FMO5: variants seen among roughly 807,000 people sequenced by gnomAD.
The protein encoded by FMO5 is flavin-containing monooxygenase 5.
A neutral mutation model predicts 43.6 loss-of-function variants in FMO5; 51 were observed. That is an observed-to-expected ratio of 1.17 (90% confidence interval 0.93 to 1.48). The LOEUF (loss-of-function observed/expected upper bound fraction) is 1.48. Ranked by LOEUF, FMO5 falls within the 40% of genes most tolerant of loss-of-function variation. FMO5 has a pLI of 0.00. For missense variants in FMO5, 644 were observed against 643.0 expected, an observed-to-expected ratio of 1.00 and a Z score of -0.02; for synonymous variants, 187 against 216.5, an observed-to-expected ratio of 0.86 and a Z score of 1.20.
chr1:147,195,707 T>C (rs1657872449), intron 7 of FMO5, among the ~76,000 whole-genome samples: 4 of 152,286 alleles, frequency 2.6e-5, no homozygotes, highest in South Asian at 2.1e-4. Flanking sequence ...CTAGGGACTA[T>C]GCCATGTAGA....
chr1:147,214,501 C>T (rs1661643693), intron 3 of FMO5, among the ~76,000 whole-genome samples: 1 of 151,508 alleles, frequency 6.6e-6, no homozygotes, highest in African/African-American at 2.4e-5. Flanking sequence ...CCCCTGCATG[C>T]ACTAGCAATC....
At chr1:147,190,058 C>T (rs1656406382) in intron 8 of FMO5, 119 bp downstream of exon 8, 3 of 636,348 alleles carry the variant, frequency 4.7e-6, no homozygotes, top group Non-Finnish European at 2.6e-6. Flanking sequence ...TTCCTTTTTT[C>T]TTCATAATAG....
chr1:147,201,899 A>G (rs1659037211), intron 6 of FMO5, among the ~76,000 whole-genome samples: 1 of 152,204 alleles, frequency 6.6e-6, no homozygotes, highest in South Asian at 2.1e-4. Context: ...TCAAAGGCTC[A>G]AGAGCTAAGT....
intron 3 of FMO5, among the ~76,000 whole-genome samples, chr1:147,214,405 C>T (rs1553924525): frequency 6.6e-6 from 1 of 150,604 alleles, no homozygotes; most frequent in Non-Finnish European, 1.5e-5. Context: ...GAGCCGAGAT[C>T]GTGTCACTGT....
At chr1:147,226,397 G>A (rs1553927861), upstream of FMO5, among the ~76,000 whole-genome samples, 4 of 152,142 alleles carry the variant, frequency 2.6e-5, no homozygotes, top group Non-Finnish European at 5.9e-5. Flanking sequence ...CAGATTAGTG[G>A]AGGAGACCAA....
chr1:147,225,267 G>T lies in FMO5; in HGVS notation c.-38+20C>A. ...CAAGACCCAGAGCTGAGAGTGCTCT[G>T]CTGCGGTACCGGATCTCACCGCCTT... On this transcript the variant is annotated intron_variant, in intron 1 of 8. Transcript: ENST00000254090. 1 of 1,109,972 alleles carries T rather than the reference G, an allele frequency of 9.0e-7. No homozygotes were observed. The highest frequency in any genetic ancestry group is 1.2e-6 in the Non-Finnish European group (1 of 826,694). The allele number at this position is 1,109,972 out of a possible 1,614,324, so 68.8% of individuals were successfully genotyped here.
At chr1:147,205,297 T>C (rs587633982) in intron 6 of FMO5, among the ~76,000 whole-genome samples, 33 of 152,242 alleles carry the variant, frequency 2.2e-4, no homozygotes, top group African/African-American at 7.9e-4. Flanking sequence ...CGGGAAAAAA[T>C]ATCTTTATAG....
At chr1:147,207,586 G>C (rs1266856938) in intron 6 of FMO5, among the ~76,000 whole-genome samples, 3 of 152,032 alleles carry the variant, frequency 2.0e-5, no homozygotes, top group African/African-American at 7.3e-5. Flanking sequence ...TATTATTTCT[G>C]TTGCCCTCGG....
chr1:147,220,743 T>C (rs1471044934), intron 2 of FMO5, among the ~76,000 whole-genome samples: 1 of 152,188 alleles, frequency 6.6e-6, no homozygotes, highest in African/African-American at 2.4e-5. Context: ...GTCAATCTTC[T>C]GCATATGGCT....
At chr1:147,222,916 C>A (rs1459211535) in intron 2 of FMO5, among the ~76,000 whole-genome samples, 1 of 152,174 alleles carries the variant, frequency 6.6e-6, no homozygotes, top group African/African-American at 2.4e-5. Flanking sequence ...GGCTAAGATG[C>A]TTAGTAAAGA....
rs1454356796 is a variant in FMO5 at position 147,203,391 on chromosome 1, G to A, written c.831-1887C>T. On this transcript the variant is annotated intron_variant, in intron 6 of 8. Transcript: ENST00000254090. The stretch of plus-strand genomic sequence containing the variant: ...GTACAGTGACTGCAGCATTAGCAGC[G>A]AGTTTGATAGACCAGTGTTTTCCCA... The A allele has an allele frequency of 4.6e-5, 46 of 993,598 alleles. No individual in the cohort carries two copies. The Admixed American group carries it at 6.3e-4, about 14-fold the overall frequency. 61.5% of individuals were successfully genotyped at this position (993,598 alleles called of 1,614,324 possible). A position where few individuals can be genotyped will look rare whatever the true frequency, so the allele number is the denominator to read the frequency against.
intron 4 of FMO5, among the ~76,000 whole-genome samples, chr1:147,213,013 T>C (rs1219119473): frequency 1.3e-5 from 2 of 152,124 alleles, no homozygotes; most frequent in Non-Finnish European, 2.9e-5. Flanking sequence ...AAATTCCTTA[T>C]TCTACCTAAT....
intron 2 of FMO5, among the ~76,000 whole-genome samples, chr1:147,223,358 A>T (rs893141964): frequency 6.6e-6 from 1 of 152,214 alleles, no homozygotes; most frequent in Non-Finnish European, 1.5e-5. Context: ...AGTCCCCAAA[A>T]CAGAGTCAGG....
At chr1:147,210,654 G>A (rs990121634) in intron 5 of FMO5, 2 of 152,136 alleles carry the variant, frequency 1.3e-5, no homozygotes. Context: ...CTAATGAAAA[G>A]ATTTCCTATT....
intron 2 of FMO5, among the ~76,000 whole-genome samples, chr1:147,222,538 T>G (rs1209961766): frequency 6.6e-6 from 1 of 152,170 alleles, no homozygotes; most frequent in Non-Finnish European, 1.5e-5. Context: ...ATAGAAACTC[T>G]CTTTGAACTG....
At chr1:147,198,364 A>G (rs1161731302) in intron 7 of FMO5, among the ~76,000 whole-genome samples, 4 of 152,152 alleles carry the variant, frequency 2.6e-5, no homozygotes, top group Non-Finnish European at 4.4e-5. Context: ...CTATCACTAT[A>G]TTACAAAGGG....
rs587632947 is a variant in FMO5 at position 147,201,495 on chromosome 1, A to C, written c.840T>G (p.Ser280Arg). ...GGTCATCATTTAAGGTTGGATGCTG[A>C]CTCAGAGCTCTGTGAGTCGTGACAA... Reference protein sequence around the residue: ...FGLKPKHRALSQHPTLNDDLP... With the variant: ...FGLKPKHRALRQHPTLNDDLP... Residue 280 changes from serine to arginine, a missense_variant, in exon 7 of 9, where the codon AGT (serine) becomes AGG (arginine). Transcript: ENST00000254090. 5 of 1,612,034 alleles carry C rather than the reference A, an allele frequency of 3.1e-6. No homozygotes were observed. In the South Asian group the frequency reaches 5.5e-5, roughly 18 times the overall value.
At chr1:147,226,669 T>C (rs587607310), upstream of FMO5, among the ~76,000 whole-genome samples, 2 of 152,282 alleles carry the variant, frequency 1.3e-5, no homozygotes, top group African/African-American at 4.8e-5. Context: ...ATCCTTGCTC[T>C]CCTTCTACCA....
At chr1:147,214,999 A>G (rs1346716105) in intron 3 of FMO5, 1 of 152,172 alleles carries the variant, frequency 6.6e-6, no homozygotes, top group Non-Finnish European at 1.5e-5. Flanking sequence ...GGCATGACTT[A>G]GCAGGATGAT....
Sources: gnomAD v4.1 joint callset for allele counts (sites outside exome capture counted in the v4.1 genomes callset) on GRCh38, gnomAD v4.1.1 for gene constraint, MANE v1.5 for transcripts, NCBI Gene and HGNC (gene_info 2026-07-23, HGNC 2026-07-21) for gene names.